VMP1: variants seen among roughly 807,000 people sequenced by gnomAD.
VMP1 encodes vacuole membrane protein 1, also known as ectopic P-granules autophagy protein 3 homolog.
A neutral mutation model predicts 56.0 loss-of-function variants in VMP1; 11 were observed. The observed-to-expected ratio is 0.20, with a 90% CI of 0.12 to 0.32. The LOEUF is 0.32. Ranked by LOEUF, VMP1 falls within the 10% of genes least tolerant of loss-of-function variation. The probability of loss-of-function intolerance (pLI) is 1.00; values close to 1 mark genes in which losing one functional copy is unlikely to be tolerated. For synonymous variants in VMP1, 149 were observed against 165.0 expected (o/e 0.90, Z 0.74); for missense variants, 296 against 490.3 (o/e 0.60, Z 3.74).
chr17:59,751,744 CAAAAAAAAAAAAA>C (rs932086949), intron 5 of VMP1, among the ~76,000 whole-genome samples: 2 of 42,594 alleles, frequency 4.7e-5, no homozygotes, highest in African/African-American at 9.7e-5. Context: ...AACTCCGTCT[CAAAAAAAAAAAAA>C]AAAAAAAAAA....
chr17:59,816,458 G>A (rs1472637227), intron 9 of VMP1, among the ~76,000 whole-genome samples: 1 of 152,160 alleles, frequency 6.6e-6, no homozygotes, highest in Non-Finnish European at 1.5e-5. Context: ...CAGAAATAAT[G>A]TACGTTAGTC....
chr17:59,711,336 G>A (rs2033925800), intron 1 of VMP1, among the ~76,000 whole-genome samples: 1 of 151,514 alleles, frequency 6.6e-6, no homozygotes, highest in South Asian at 2.1e-4. Flanking sequence ...AGTCTTTCTC[G>A]GAGATGATAG....
intron 1 of VMP1, among the ~76,000 whole-genome samples, chr17:59,724,127 A>G (rs7224195): frequency 0.12 from 18,490 of 151,070 alleles, 1,256 homozygotes; most frequent in Middle Eastern, 0.24. Context: ...TGGGAGGATC[A>G]CTTGAACCCA....
At chr17:59,791,439 C>T (rs1197530652) in intron 7 of VMP1, among the ~76,000 whole-genome samples, 1 of 151,650 alleles carries the variant, frequency 6.6e-6, no homozygotes, top group Non-Finnish European at 1.5e-5. Context: ...GATCCACCCA[C>T]CTCAGCCTCC....
At chr17:59,713,683 CTTTTTT>C (rs3064256) in intron 1 of VMP1, among the ~76,000 whole-genome samples, 2 of 108,750 alleles carry the variant, frequency 1.8e-5, no homozygotes, top group Non-Finnish European at 3.8e-5. Flanking sequence ...CCCCATCTCT[CTTTTTT>C]TTTTTTTTTT....
chr17:59,765,239 A>G, intron 6 of VMP1, 101 bp downstream of exon 6: 1 of 1,343,288 alleles, frequency 7.4e-7, no homozygotes, highest in Admixed American at 2.6e-5. Flanking sequence ...TTGTCAGTAA[A>G]TGATTCAGTC....
chr17:59,735,700 C>T (rs1047540295), intron 3 of VMP1: 4 of 477,444 alleles, frequency 8.4e-6, no homozygotes, highest in Non-Finnish European at 1.5e-5. Flanking sequence ...CAGTTGTCCA[C>T]TGTTTTTTCA....
At chr17:59,783,448 T>G (rs1056042916) in intron 7 of VMP1, among the ~76,000 whole-genome samples, 2 of 152,222 alleles carry the variant, frequency 1.3e-5, no homozygotes, top group Admixed American at 1.3e-4. Flanking sequence ...TAGATGTCTG[T>G]GAGAGGTACA....
intron 10 of VMP1, among the ~76,000 whole-genome samples, chr17:59,825,362 G>A (rs62081822): frequency 5.6e-4 from 85 of 151,954 alleles, no homozygotes; most frequent in African/African-American, 1.9e-3. Flanking sequence ...ATAAGCCACC[G>A]TGCCCAGCCC....
In VMP1 at chr17:59,838,279, T is replaced by C. The variant is rs1349718701; in HGVS notation, c.975-16T>C. 15 of 1,612,404 alleles carry C rather than the reference T, an allele frequency of 9.3e-6. No individual in the cohort carries two copies. Among genetic ancestry groups the C allele is most frequent in the Non-Finnish European group, 1.3e-5 (15 of 1,178,674 alleles). On this transcript the variant is annotated splice_polypyrimidine_tract_variant and intron_variant, in intron 10 of 11. Coordinates refer to ENST00000262291, the MANE Select transcript of VMP1 (RefSeq NM_030938.5). Reference sequence around the variant, plus strand: ...AAATGTGTCTTTTTCTTTGGGCTACTGTACCCTGCTTCCAGTGCTGTCCCC... The same window carrying C: ...AAATGTGTCTTTTTCTTTGGGCTACCGTACCCTGCTTCCAGTGCTGTCCCC...
At chr17:59,802,547 T>A (rs893927276) in intron 7 of VMP1, among the ~76,000 whole-genome samples, 3 of 152,190 alleles carry the variant, frequency 2.0e-5, no homozygotes, top group African/African-American at 7.2e-5. Context: ...TCGGTAACAT[T>A]GCATTGGTTT....
chr17:59,743,082 A>G (rs547481909), intron 5 of VMP1, among the ~76,000 whole-genome samples: 7 of 152,310 alleles, frequency 4.6e-5, no homozygotes, highest in African/African-American at 1.7e-4. Context: ...ATTTGTTACA[A>G]TTGAGGAACC....
At chr17:59,783,313 C>G (rs762633091) in intron 7 of VMP1, among the ~76,000 whole-genome samples, 18 of 152,102 alleles carry the variant, frequency 1.2e-4, no homozygotes, top group Non-Finnish European at 1.0e-4. Flanking sequence ...ATGATTAAAG[C>G]ATTTATTTGT....
chr17:59,786,827 T>C (rs2037023321), intron 7 of VMP1, among the ~76,000 whole-genome samples: 1 of 152,228 alleles, frequency 6.6e-6, no homozygotes, highest in Non-Finnish European at 1.5e-5. Context: ...TTGCAGGATC[T>C]CTTGCTTGTT....
At chr17:59,719,378 C>G (rs1278272927) in intron 1 of VMP1, among the ~76,000 whole-genome samples, 2 of 151,998 alleles carry the variant, frequency 1.3e-5, no homozygotes, top group Non-Finnish European at 2.9e-5. Flanking sequence ...TACTGAGAAG[C>G]ATAATACTTA....
chr17:59,794,914 A>T (rs1444643186), intron 7 of VMP1, among the ~76,000 whole-genome samples: 1 of 151,826 alleles, frequency 6.6e-6, no homozygotes, highest in African/African-American at 2.4e-5. Context: ...AGCATTCAGG[A>T]GAAGTAATAG....
Position 59,809,422 on chromosome 17 carries a change from T to A in VMP1, c.795+546T>A, listed in dbSNP as rs2037969675. ...ACCTCCACCTCCCGGGTTCAAACGA[T>A]TCTCCTGCCTCAGCCTCCCAAAGTA... On this transcript the variant is annotated intron_variant, in intron 8 of 11. Coordinates refer to ENST00000262291, the MANE Select transcript of VMP1 (RefSeq NM_030938.5). 2.1e-5 allele frequency among the ~76,000 whole-genome samples: 3 copies of A among 143,872 alleles called. No individual in the cohort carries two copies. In the South Asian group the frequency reaches 6.6e-4, roughly 32 times the overall value. The allele number at this position is 143,872 out of a possible 152,430, so 94.4% of individuals were successfully genotyped here.
intron 7 of VMP1, among the ~76,000 whole-genome samples, chr17:59,781,662 A>C (rs145365092): frequency 2.0e-5 from 3 of 152,288 alleles, no homozygotes; most frequent in South Asian, 2.1e-4. Flanking sequence ...ACGCCATCAA[A>C]TATTTTCACA....
intron 7 of VMP1, among the ~76,000 whole-genome samples, chr17:59,787,771 A>C (rs572503944): frequency 6.6e-6 from 1 of 152,280 alleles, no homozygotes; most frequent in South Asian, 2.1e-4. Context: ...CAGTGAGCCG[A>C]GATCGTGCCA....
Sources: allele counts gnomAD v4.1 joint callset (sites outside exome capture counted in the v4.1 genomes callset), GRCh38; gene constraint gnomAD v4.1.1; transcripts MANE v1.5; gene names NCBI Gene and HGNC (gene_info 2026-07-23, HGNC 2026-07-21).